Variants in IQUB observed in about 807,000 individuals in gnomAD.
IQUB encodes IQ motif and ubiquitin-like domain-containing protein.
IQUB carries 86 observed loss-of-function variants against 86.4 expected under a neutral mutation model. The observed-to-expected ratio is 1.00, with a 90% CI of 0.84 to 1.19. The LOEUF (loss-of-function observed/expected upper bound fraction) is 1.19, where lower values mean the gene tolerates loss of function less well. Among genes scored for constraint, IQUB ranks in the 50% most tolerant of loss-of-function variants. The probability of loss-of-function intolerance (pLI) is 0.00; values close to 1 mark genes in which losing one functional copy is unlikely to be tolerated. For synonymous variants in IQUB, 289 were observed against 304.5 expected (o/e 0.95, Z 0.53); for missense variants, 946 against 916.9 (o/e 1.03, Z -0.41).
At chr7:123,486,969 T>C (rs925706271) in intron 7 of IQUB, among the ~76,000 whole-genome samples, 28 of 152,292 alleles carry the variant, frequency 1.8e-4, no homozygotes, top group African/African-American at 6.5e-4. Flanking sequence ...TTTGGCTGTG[T>C]CCTCACCCAA....
At chr7:123,526,599 C>A (rs541565626) in intron 1 of IQUB, among the ~76,000 whole-genome samples, 2 of 150,978 alleles carry the variant, frequency 1.3e-5, no homozygotes, top group Admixed American at 1.3e-4. Context: ...TGTCTCTGCA[C>A]GTGAGATGGG....
chr7:123,479,532 G>T (rs1385005459), intron 8 of IQUB, among the ~76,000 whole-genome samples: 3 of 152,036 alleles, frequency 2.0e-5, no homozygotes, highest in Non-Finnish European at 4.4e-5. Context: ...CACAAGAAAT[G>T]TGTCTCCATC....
chr7:123,521,442 A>G (rs1488004342), intron 1 of IQUB, among the ~76,000 whole-genome samples: 2 of 152,148 alleles, frequency 1.3e-5, no homozygotes, highest in East Asian at 1.9e-4. Context: ...TAGGAATTCA[A>G]TACCAGCCTG....
chr7:123,467,262 A>T, intron 9 of IQUB, among the ~76,000 whole-genome samples: 1 of 152,120 alleles, frequency 6.6e-6, no homozygotes, highest in East Asian at 1.9e-4. Context: ...TGTAGACAAC[A>T]TATTCATTGT....
At chr7:123,502,789 C>T (rs753185450) in intron 5 of IQUB, 37 bp from the exon 6 acceptor site, 2 of 1,462,682 alleles carry the variant, frequency 1.4e-6, no homozygotes, top group South Asian at 1.3e-5. Flanking sequence ...TCAGTATCCC[C>T]TATATATATA....
intron 8 of IQUB, among the ~76,000 whole-genome samples, chr7:123,477,084 A>G (rs1056651322): frequency 6.6e-6 from 1 of 152,196 alleles, no homozygotes; most frequent in African/African-American, 2.4e-5. Flanking sequence ...TTGGAAAAAA[A>G]CTACTTTAAA....
chr7:123,522,864 C>G (rs1358490280), intron 1 of IQUB, among the ~76,000 whole-genome samples: 5 of 124,302 alleles, frequency 4.0e-5, no homozygotes, highest in Non-Finnish European at 8.2e-5. Context: ...TCCCCCCACC[C>G]CACAACAGTC....
intron 7 of IQUB, among the ~76,000 whole-genome samples, chr7:123,488,184 T>TA (rs1795292441): frequency 6.6e-6 from 1 of 150,700 alleles, no homozygotes; most frequent in African/African-American, 2.4e-5. Context: ...ATACAAAAAA[T>TA]AAAAAAATTA....
At chr7:123,518,854 A>G (rs1354018827) in intron 1 of IQUB, among the ~76,000 whole-genome samples, 1 of 152,118 alleles carries the variant, frequency 6.6e-6, no homozygotes, top group Admixed American at 6.6e-5. Context: ...TCAGCCTCCC[A>G]AAGTGCTGGG....
chr7:123,461,328 C>A, intron 11 of IQUB, 29 bp downstream of exon 11: 1 of 1,575,424 alleles, frequency 6.3e-7, no homozygotes, highest in Non-Finnish European at 8.6e-7. Context: ...CAAGCTTCAG[C>A]TATAATTGGC....
At chr7:123,466,061 T>C (rs967390130) in intron 9 of IQUB, among the ~76,000 whole-genome samples, 3 of 152,062 alleles carry the variant, frequency 2.0e-5, no homozygotes, top group Non-Finnish European at 4.4e-5. Flanking sequence ...GTTTTTATGT[T>C]TATATATGTG....
intron 7 of IQUB, among the ~76,000 whole-genome samples, chr7:123,485,488 G>A (rs557887204): frequency 2.0e-5 from 3 of 152,118 alleles, no homozygotes; most frequent in East Asian, 1.9e-4. Context: ...TACAGATATC[G>A]ATAACCACAA....
chr7:123,529,738 A>AAAAAAAC (rs1554369570), intron 1 of IQUB, among the ~76,000 whole-genome samples: 8 of 146,828 alleles, frequency 5.4e-5, no homozygotes, highest in Non-Finnish European at 1.5e-5. Context: ...AAAAAAAAAA[A>AAAAAAAC]AAAAAAAAAA....
chr7:123,475,510 C>G (rs570113138), intron 8 of IQUB, among the ~76,000 whole-genome samples: 1 of 151,390 alleles, frequency 6.6e-6, no homozygotes, highest in South Asian at 2.1e-4. Context: ...TTTATGGATA[C>G]TCCATAATTT....
chr7:123,452,332 TATA>T lies in IQUB; in HGVS notation c.*408_*410del, dbSNP rs1398150787. ...AAGAAGTTTTCAAGAAAGAGCACTT[TATA>T]ATGTTTCCTCCCCTCCACATACTGA... On this transcript the variant is annotated 3_prime_UTR_variant, in exon 13 of 13. Transcript: ENST00000324698. The T allele has an allele frequency of 6.5e-6, 1 of 152,856 alleles. No homozygotes were observed. Among genetic ancestry groups the T allele is most frequent in the Non-Finnish European group, 1.5e-5 (1 of 68,516 alleles). 9.5% of individuals were successfully genotyped at this position (152,856 alleles called of 1,614,324 possible).
In IQUB at chr7:123,502,663, A is replaced by C. The variant is rs367645053; in HGVS notation, c.957T>G (p.Thr319=). Reference sequence around the variant, plus strand: ...ACTTTCCTGGTGTTACCAGTTTATCAGTCATATTTGATACATATACACCAA... The same window carrying C: ...ACTTTCCTGGTGTTACCAGTTTATCCGTCATATTTGATACATATACACCAA... ...TNIGVYVSNM[T]DKLVTPGKYF... The change falls in exon 6 of 13, where the codon ACT becomes ACG. Residue 319 remains threonine, a synonymous_variant. Transcript: ENST00000324698. 1 of 1,612,686 alleles carries C rather than the reference A, an allele frequency of 6.2e-7. No individual in the cohort carries two copies. The highest frequency in any genetic ancestry group is 1.3e-5 in the African/African-American group (1 of 74,996).
chr7:123,477,045 T>C (rs1794775308), intron 8 of IQUB, among the ~76,000 whole-genome samples: 1 of 152,110 alleles, frequency 6.6e-6, no homozygotes, highest in Non-Finnish European at 1.5e-5. Flanking sequence ...GCCATCCCCA[T>C]CAAGCTACCA....
intron 1 of IQUB, among the ~76,000 whole-genome samples, chr7:123,521,681 C>CACACAGAG (rs533866528): frequency 2.0e-5 from 3 of 151,018 alleles, no homozygotes; most frequent in African/African-American, 7.3e-5. Flanking sequence ...CACACACACA[C>CACACAGAG]AGAGATCACA....
chr7:123,478,846 G>C (rs1406880001), intron 8 of IQUB, among the ~76,000 whole-genome samples: 2 of 152,096 alleles, frequency 1.3e-5, no homozygotes, highest in Admixed American at 1.3e-4. Flanking sequence ...ATAGGACTTA[G>C]GGTTCATCAT....
Sources: gnomAD v4.1 joint callset for allele counts (sites outside exome capture counted in the v4.1 genomes callset) on GRCh38, gnomAD v4.1.1 for gene constraint, MANE v1.5 for transcripts, NCBI Gene and HGNC (gene_info 2026-07-23, HGNC 2026-07-21) for gene names.